The following DPYD variants were observed in gnomAD, a reference collection of about 807,000 sequenced individuals.
DPYD encodes the protein dihydropyrimidine dehydrogenase [NADP(+)].
Under a neutral mutation model 116.2 loss-of-function variants are expected in DPYD, and 109 were observed. The ratio of observed to expected loss-of-function variants is 0.94; its 90% CI spans 0.80 to 1.10. DPYD has a LOEUF of 1.10. Ranked by LOEUF, DPYD falls within the 50% of genes least tolerant of loss-of-function variation. The pLI, the probability that DPYD is intolerant of heterozygous loss-of-function variation, is 0.00. For missense variants in DPYD, 1,302 were observed against 1,254.5 expected, an observed-to-expected ratio of 1.04 and a Z score of -0.57; for synonymous variants, 440 against 432.0, an observed-to-expected ratio of 1.02 and a Z score of -0.23.
intron 14 of DPYD, among the ~76,000 whole-genome samples, chr1:97,404,490 A>T (rs1673542382): frequency 6.6e-6 from 1 of 152,064 alleles, no homozygotes; most frequent in Admixed American, 6.6e-5. Flanking sequence ...ATACACGTTA[A>T]AGATTCTTAT....
intron 16 of DPYD, among the ~76,000 whole-genome samples, chr1:97,335,953 C>T (rs1407520774): frequency 6.6e-5 from 10 of 152,124 alleles, no homozygotes; most frequent in African/African-American, 2.4e-5. Flanking sequence ...CCCAGTGTTT[C>T]GTATCCTTGT....
intron 1 of DPYD, among the ~76,000 whole-genome samples, chr1:97,903,504 T>C (rs1673464532): frequency 6.6e-6 from 1 of 151,850 alleles, no homozygotes; most frequent in African/African-American, 2.4e-5. Flanking sequence ...TCAAAACATG[T>C]TGGTCTAGCA....
chr1:97,235,444 C>A (rs1028634355), intron 18 of DPYD, among the ~76,000 whole-genome samples: 4 of 152,154 alleles, frequency 2.6e-5, no homozygotes, highest in African/African-American at 9.7e-5. Context: ...ATGGTGAAAT[C>A]CCATGGCTAC....
At chr1:97,533,155 C>T (rs937269995) in intron 12 of DPYD, among the ~76,000 whole-genome samples, 7 of 151,750 alleles carry the variant, frequency 4.6e-5, no homozygotes, top group African/African-American at 1.5e-4. Context: ...CCCACCATGC[C>T]GCACCTCCAG....
At chr1:97,711,255 A>G (rs1662268523) in intron 5 of DPYD, among the ~76,000 whole-genome samples, 1 of 151,960 alleles carries the variant, frequency 6.6e-6, no homozygotes, top group Non-Finnish European at 1.5e-5. Context: ...AACTGACCAA[A>G]TATAGATGAA....
At chr1:97,743,913 T>C (rs567029555) in intron 3 of DPYD, among the ~76,000 whole-genome samples, 2 of 152,228 alleles carry the variant, frequency 1.3e-5, no homozygotes, top group East Asian at 1.9e-4. Flanking sequence ...GAAACAATTA[T>C]GTCATACATT....
At chr1:97,913,848 G>T (rs551451544) in intron 1 of DPYD, among the ~76,000 whole-genome samples, 23 of 152,076 alleles carry the variant, frequency 1.5e-4, no homozygotes, top group East Asian at 1.2e-3. Context: ...TAAAACATGG[G>T]GGGGAGGAGG....
chr1:97,322,210 T>C (rs1178699009), intron 16 of DPYD, among the ~76,000 whole-genome samples: 1 of 148,572 alleles, frequency 6.7e-6, no homozygotes, highest in African/African-American at 2.5e-5. Context: ...AATGTGCACA[T>C]GTACCCTAAA....
intron 5 of DPYD, among the ~76,000 whole-genome samples, chr1:97,707,788 C>T (rs1469703296): frequency 6.6e-6 from 1 of 151,864 alleles, no homozygotes; most frequent in African/African-American, 2.4e-5. Context: ...TGCTTATTTT[C>T]CATCTGTATA....
intron 13 of DPYD, among the ~76,000 whole-genome samples, chr1:97,494,781 C>T (rs1436942327): frequency 1.6e-5 from 2 of 122,410 alleles, no homozygotes; most frequent in South Asian, 5.4e-4. Context: ...CACACACATA[C>T]GCACACACAC....
intron 13 of DPYD, among the ~76,000 whole-genome samples, chr1:97,465,854 C>T (rs936899336): frequency 1.3e-5 from 2 of 152,174 alleles, no homozygotes; most frequent in African/African-American, 4.8e-5. Context: ...GTGTCATGGG[C>T]AGGCTCTTAA....
At chr1:97,909,421 C>A (rs185249715) in intron 1 of DPYD, among the ~76,000 whole-genome samples, 2 of 152,090 alleles carry the variant, frequency 1.3e-5, no homozygotes, top group Non-Finnish European at 2.9e-5. Flanking sequence ...GCTCTGTTAT[C>A]CCTCTCCAGC....
intron 11 of DPYD, among the ~76,000 whole-genome samples, chr1:97,552,662 A>G (rs1348021785): frequency 6.6e-6 from 1 of 152,082 alleles, no homozygotes; most frequent in Non-Finnish European, 1.5e-5. Context: ...TTAAACCTGA[A>G]TATCAACTGT....
At chr1:97,755,452 C>A (rs1442718509) in intron 3 of DPYD, among the ~76,000 whole-genome samples, 1 of 152,144 alleles carries the variant, frequency 6.6e-6, no homozygotes, top group Non-Finnish European at 1.5e-5. Context: ...AAGTAATAAA[C>A]CTGCTTCATG....
intron 16 of DPYD, among the ~76,000 whole-genome samples, chr1:97,337,806 T>C (rs547821045): frequency 5.9e-4 from 90 of 152,304 alleles, no homozygotes; most frequent in Non-Finnish European, 1.1e-3. Flanking sequence ...TTGAGTACCA[T>C]TTAACTATGT....
intron 22 of DPYD, 59 bp from the exon 23 acceptor site, chr1:97,079,205 A>G (rs2101549327): frequency 6.3e-7 from 1 of 1,591,604 alleles, no homozygotes; most frequent in South Asian, 1.1e-5. Flanking sequence ...CAATGTCCCC[A>G]TTTTAGCGTT....
At chr1:97,547,646 G>A (rs1463175089) in intron 12 of DPYD, among the ~76,000 whole-genome samples, 1 of 151,780 alleles carries the variant, frequency 6.6e-6, no homozygotes, top group Non-Finnish European at 1.5e-5. Flanking sequence ...AAATCCACAG[G>A]CTCCTTTCTC....
Position 97,253,431 on chromosome 1 carries a change from T to C in DPYD, c.2300-18437A>G, listed in dbSNP as rs148460800. Among the ~76,000 whole-genome samples the C allele has an allele frequency of 1.4e-4, 21 of 152,298 alleles. No individual in the cohort carries two copies. In the East Asian group the frequency reaches 3.7e-3, roughly 27 times the overall value. On this transcript the variant is annotated intron_variant, in intron 18 of 22. Coordinates refer to ENST00000370192, the MANE Select transcript of DPYD (RefSeq NM_000110.4). ...TTCCCTTTCATGTCTCAACTAACTC[T>C]TTCAATAAACTTAGATATGTGAGGG... is the stretch of plus-strand genomic sequence containing the variant.
chr1:97,591,042 G>GT (rs1023348464), intron 10 of DPYD, among the ~76,000 whole-genome samples: 2 of 152,150 alleles, frequency 1.3e-5, no homozygotes. Flanking sequence ...TGATACTGGC[G>GT]TTTTTTCTAT....
Sources: allele counts gnomAD v4.1 joint callset (sites outside exome capture counted in the v4.1 genomes callset), GRCh38; gene constraint gnomAD v4.1.1; transcripts MANE v1.5; gene names NCBI Gene and HGNC (gene_info 2026-07-23, HGNC 2026-07-21).